Variants in DNER observed in about 807,000 individuals in gnomAD.
DNER encodes delta/notch like EGF repeat containing, also known as delta and Notch-like epidermal growth factor-related receptor.
A neutral mutation model predicts 78.2 loss-of-function variants in DNER; 33 were observed. The ratio of observed to expected loss-of-function variants is 0.42; its 90% confidence interval spans 0.32 to 0.56. The LOEUF is 0.56. Ranked by LOEUF, DNER falls within the 20% of genes least tolerant of loss-of-function variation. DNER has a pLI of 0.11. For missense variants in DNER, 918 were observed against 975.3 expected (o/e 0.94, Z 0.78); for synonymous variants, 417 against 384.8 (o/e 1.08, Z -0.98).
chr2:229,425,060 G>A (rs1458521343), intron 8 of DNER, among the ~76,000 whole-genome samples: 1 of 152,206 alleles, frequency 6.6e-6, no homozygotes. Context: ...TGTGAAGGGT[G>A]AGAGTTCATT....
At chr2:229,702,501 A>C (rs978519385) in intron 1 of DNER, among the ~76,000 whole-genome samples, 1 of 152,026 alleles carries the variant, frequency 6.6e-6, no homozygotes, top group Non-Finnish European at 1.5e-5. Flanking sequence ...ACATTACTGC[A>C]CTTCAGCCTG....
intron 5 of DNER, among the ~76,000 whole-genome samples, chr2:229,531,917 A>G (rs966186170): frequency 3.3e-5 from 5 of 152,218 alleles, no homozygotes; most frequent in Admixed American, 3.3e-4. Flanking sequence ...TCCATTCAAT[A>G]TGATTCCATT....
intron 6 of DNER, among the ~76,000 whole-genome samples, chr2:229,498,747 CA>C (rs1307181406): frequency 2.0e-5 from 3 of 152,022 alleles, no homozygotes; most frequent in East Asian, 1.9e-4. Context: ...AAAATTCTGA[CA>C]AAAAAATTGA....
intron 4 of DNER, among the ~76,000 whole-genome samples, chr2:229,553,457 T>C (rs1696788373): frequency 6.6e-6 from 1 of 151,986 alleles, no homozygotes; most frequent in Non-Finnish European, 1.5e-5. Context: ...ATCTCATGAG[T>C]GTTAGACAGA....
chr2:229,472,462 A>G (rs1694943381), intron 7 of DNER, among the ~76,000 whole-genome samples: 1 of 152,116 alleles, frequency 6.6e-6, no homozygotes. Context: ...TTCCCAGTGG[A>G]AGGGAGATGG....
chr2:229,588,515 A>ATGAT (rs1193207203), intron 2 of DNER, 27 bp from the exon 3 acceptor site: 1 of 1,570,438 alleles, frequency 6.4e-7, no homozygotes, highest in Non-Finnish European at 8.8e-7. Context: ...AAAACGACAT[A>ATGAT]TGATTGGGGT....
chr2:229,566,879 C>T (rs560526690), intron 4 of DNER, among the ~76,000 whole-genome samples: 3 of 152,240 alleles, frequency 2.0e-5, no homozygotes, highest in African/African-American at 7.2e-5. Flanking sequence ...CACTGGGATC[C>T]TACACCAGGA....
intron 1 of DNER, among the ~76,000 whole-genome samples, chr2:229,694,721 C>T (rs1574569800): frequency 6.6e-6 from 1 of 152,350 alleles, no homozygotes; most frequent in Non-Finnish European, 1.5e-5. Context: ...CCTGTACCCC[C>T]ATTGTATCTA....
chr2:229,653,571 C>G (rs576857493), intron 1 of DNER, among the ~76,000 whole-genome samples: 2 of 148,588 alleles, frequency 1.3e-5, no homozygotes, highest in African/African-American at 5.0e-5. Flanking sequence ...GCTAGCACCC[C>G]CTGCCCAACA....
intron 6 of DNER, among the ~76,000 whole-genome samples, chr2:229,478,619 T>C (rs1695087052): frequency 6.6e-6 from 1 of 152,208 alleles, no homozygotes; most frequent in Non-Finnish European, 1.5e-5. Context: ...GAGAGTGAAT[T>C]GTTTTTAAGA....
chr2:229,383,838 T>C (rs916475857), intron 11 of DNER, among the ~76,000 whole-genome samples: 1 of 152,116 alleles, frequency 6.6e-6, no homozygotes, highest in East Asian at 1.9e-4. Flanking sequence ...ACTGTCAATA[T>C]TAGACAGATC....
At chr2:229,469,770 C>T (rs2154211104) in intron 7 of DNER, among the ~76,000 whole-genome samples, 1 of 152,252 alleles carries the variant, frequency 6.6e-6, no homozygotes, top group African/African-American at 2.4e-5. Context: ...TGGCGAAATC[C>T]CGTCTCAACT....
rs191178757 is a variant in DNER at position 229,533,417 on chromosome 2, C to T, written c.993+13530G>A. On this transcript the variant is annotated intron_variant, in intron 5 of 12. Coordinates refer to ENST00000341772, the MANE Select transcript of DNER (RefSeq NM_139072.4). ...GATACCTCCGTAAGAGGCAAAGCCG[C>T]GGCTTTGAAGCGGTAGACTGGGGAT... Among the ~76,000 whole-genome samples the T allele has an allele frequency of 4.6e-5, 7 of 152,232 alleles. No homozygotes were observed. In the East Asian group the frequency reaches 9.7e-4, roughly 21 times the overall value.
At chr2:229,521,125 G>T (rs1391927799) in intron 5 of DNER, among the ~76,000 whole-genome samples, 1 of 152,170 alleles carries the variant, frequency 6.6e-6, no homozygotes, top group East Asian at 1.9e-4. Context: ...CATACTGGCA[G>T]CATCAAGTTG....
At chr2:229,432,382 G>C (rs1227399983) in intron 8 of DNER, among the ~76,000 whole-genome samples, 1 of 151,908 alleles carries the variant, frequency 6.6e-6, no homozygotes, top group Non-Finnish European at 1.5e-5. Context: ...TGGGTGGGAG[G>C]GGGGAAAATC....
At chr2:229,515,335 A>G (rs1177779712) in intron 5 of DNER, among the ~76,000 whole-genome samples, 1 of 152,184 alleles carries the variant, frequency 6.6e-6, no homozygotes, top group Non-Finnish European at 1.5e-5. Context: ...TCCTGTTTGG[A>G]GCTCTCTGTG....
intron 1 of DNER, among the ~76,000 whole-genome samples, chr2:229,615,571 A>G: frequency 6.6e-6 from 1 of 151,672 alleles, no homozygotes; most frequent in East Asian, 1.9e-4. Flanking sequence ...AATTAGCCGG[A>G]AGTGGTGGTG....
intron 7 of DNER, among the ~76,000 whole-genome samples, chr2:229,448,859 G>A (rs762076200): frequency 4.6e-5 from 7 of 152,030 alleles, no homozygotes; most frequent in Non-Finnish European, 7.4e-5. Context: ...CACGTCTCTT[G>A]TTTACATTTA....
intron 1 of DNER, among the ~76,000 whole-genome samples, chr2:229,683,341 T>A (rs1480679896): frequency 6.6e-6 from 1 of 152,190 alleles, no homozygotes; most frequent in African/African-American, 2.4e-5. Context: ...TTCTTAACCT[T>A]GACACGTTGC....
Sources: gnomAD v4.1 joint callset for allele counts (sites outside exome capture counted in the v4.1 genomes callset) on GRCh38, gnomAD v4.1.1 for gene constraint, MANE v1.5 for transcripts, NCBI Gene and HGNC (gene_info 2026-07-23, HGNC 2026-07-21) for gene names.